CLYBL: variants seen among roughly 807,000 people sequenced by gnomAD.
CLYBL encodes citramalyl-CoA lyase, also known as citramalyl-CoA lyase, mitochondrial.
Under a neutral mutation model 38.9 loss-of-function variants are expected in CLYBL, and 31 were observed. That is an observed-to-expected ratio of 0.80 (90% CI 0.60 to 1.08). The LOEUF (loss-of-function observed/expected upper bound fraction) is 1.08. Among genes scored for constraint, CLYBL ranks in the 50% least tolerant of loss-of-function variants. CLYBL has a pLI of 0.00. For synonymous variants in CLYBL, 171 were observed against 158.6 expected (o/e 1.08, Z -0.59); for missense variants, 434 against 411.6 (o/e 1.05, Z -0.47).
Position 99,668,595 on chromosome 13 carries a change from A to AG in CLYBL, c.62+61838_62+61839insG, listed in dbSNP as rs200307348. On this transcript the variant is annotated intron_variant, in intron 1 of 8. Transcript: ENST00000339105. The stretch of plus-strand genomic sequence containing the variant: ...AGCGAAACTCCATCTCAAAAAAAAA[A>AG]AAAAGAAAAAAAGAATATTGGCTAT... 4.1e-3 allele frequency among the ~76,000 whole-genome samples: 615 copies of AG among 150,384 alleles called. 21 individuals carry two copies. Among genetic ancestry groups the AG allele is most frequent in the Non-Finnish European group, 9.3e-4 (63 of 67,474 alleles).
At chr13:99,818,446 A>AACACACACACACACACACACACAC (rs57249330) in intron 2 of CLYBL, among the ~76,000 whole-genome samples, 13 of 143,320 alleles carry the variant, frequency 9.1e-5, no homozygotes, top group Middle Eastern at 3.6e-3. Flanking sequence ...TGGAGCAGAA[A>AACACACACACACACACACACACAC]ACACACACAC....
chr13:99,608,057 A>ACTT (rs759085639), intron 1 of CLYBL, among the ~76,000 whole-genome samples: 7 of 127,282 alleles, frequency 5.5e-5, no homozygotes, highest in African/African-American at 1.8e-4. Context: ...GTGGTCTGGA[A>ACTT]CTTCTTTTTT....
rs149926873 is a variant in CLYBL, at chr13:99,629,554, C to G, written c.62+22797C>G. Among the ~76,000 whole-genome samples the G allele has an allele frequency of 3.9e-5, 6 of 152,316 alleles. No homozygotes were observed. The South Asian group carries it at 1.0e-3, about 26-fold the overall frequency. On this transcript the variant is annotated intron_variant, in intron 1 of 8. Transcript: ENST00000339105. ...ATGCTGATTCCATCTGCAGCTCCTTCTCTGTACTGTGGACTTCACTGCTTG... is the reference window on the plus strand; with the variant it reads ...ATGCTGATTCCATCTGCAGCTCCTTGTCTGTACTGTGGACTTCACTGCTTG...
At chr13:99,857,320 A>G (rs2051483307) in intron 2 of CLYBL, among the ~76,000 whole-genome samples, 1 of 152,128 alleles carries the variant, frequency 6.6e-6, no homozygotes, top group Non-Finnish European at 1.5e-5. Flanking sequence ...GTCTCAAAAA[A>G]AAGAGAAGAT....
intron 1 of CLYBL, among the ~76,000 whole-genome samples, chr13:99,699,692 C>CAAA (rs543597111): frequency 0.094 from 10,239 of 108,350 alleles, 440 homozygotes; most frequent in Admixed American, 0.18. Context: ...GACTCCGTCT[C>CAAA]AAAAAAAAAA....
intron 1 of CLYBL, among the ~76,000 whole-genome samples, chr13:99,678,034 T>C (rs1472469569): frequency 6.6e-6 from 1 of 152,234 alleles, no homozygotes; most frequent in Non-Finnish European, 1.5e-5. Context: ...AATGTGGAAC[T>C]TAATTCACTT....
chr13:99,647,872 T>C (rs1222247403), intron 1 of CLYBL, among the ~76,000 whole-genome samples: 4 of 152,178 alleles, frequency 2.6e-5, no homozygotes, highest in Non-Finnish European at 5.9e-5. Flanking sequence ...TGAGAACGAT[T>C]GCAAATAATT....
At chr13:99,638,813 C>T (rs574997066) in intron 1 of CLYBL, among the ~76,000 whole-genome samples, 10 of 152,306 alleles carry the variant, frequency 6.6e-5, no homozygotes, top group Admixed American at 5.2e-4. Context: ...GGTAGTATGA[C>T]TCTTAGGTCC....
chr13:99,774,853 A>G (rs2049478027), intron 2 of CLYBL, among the ~76,000 whole-genome samples: 1 of 152,164 alleles, frequency 6.6e-6, no homozygotes, highest in Admixed American at 6.5e-5. Context: ...AGGCTGTAAT[A>G]TGATTTCAGT....
In CLYBL at chr13:99,767,020, C is replaced by A. The variant is rs150728798; in HGVS notation, c.63-5804C>A. 3.9e-5 allele frequency among the ~76,000 whole-genome samples: 6 copies of A among 152,352 alleles called. No individual in the cohort carries two copies. The East Asian group carries it at 1.2e-3, about 29-fold the overall frequency. On this transcript the variant is annotated intron_variant, in intron 1 of 8. Transcript: ENST00000339105. ...GGATATTTCTCCCTTCAGGCACTTG[C>A]GATGCTTCCCATGGATTAAGGCAGA...
At chr13:99,774,889 T>C (rs376460357) in intron 2 of CLYBL, among the ~76,000 whole-genome samples, 1 of 152,210 alleles carries the variant, frequency 6.6e-6, no homozygotes, top group African/African-American at 2.4e-5. Context: ...ACTCATGTAG[T>C]GCACTCCAAG....
intron 3 of CLYBL, among the ~76,000 whole-genome samples, chr13:99,862,338 G>A (rs2051623819): frequency 6.6e-6 from 1 of 152,086 alleles, no homozygotes; most frequent in African/African-American, 2.4e-5. Flanking sequence ...AAGAGCTTTT[G>A]TATGTTTCCA....
At chr13:99,794,375 G>T (rs931898026) in intron 2 of CLYBL, among the ~76,000 whole-genome samples, 1 of 151,982 alleles carries the variant, frequency 6.6e-6, no homozygotes, top group Admixed American at 6.6e-5. Flanking sequence ...AGCCAAGATT[G>T]CACCACTGCA....
At chr13:99,891,137 T>G (rs2052477659) in intron 7 of CLYBL, among the ~76,000 whole-genome samples, 181 bp from the exon 8 acceptor site, 1 of 152,028 alleles carries the variant, frequency 6.6e-6, no homozygotes, top group African/African-American at 2.4e-5. Flanking sequence ...TTTTTTCCCC[T>G]CTTTAGGGGG....
intron 1 of CLYBL, among the ~76,000 whole-genome samples, chr13:99,737,570 G>A (rs1444910193): frequency 1.3e-5 from 2 of 152,178 alleles, no homozygotes; most frequent in Non-Finnish European, 2.9e-5. Context: ...CAAGATTTTT[G>A]GAGCTGGCGA....
In CLYBL at chr13:99,839,359, C is replaced by T. The variant is rs556383873; in HGVS notation, c.250-19502C>T. On this transcript the variant is annotated intron_variant, in intron 2 of 8. Coordinates refer to ENST00000339105, the MANE Select transcript of CLYBL (RefSeq NM_206808.5). ...GGACCACACTTACATATCTGAAGGT[C>T]CATCCAGTGGCTGTGTTTACACAGA... Among the ~76,000 whole-genome samples the T allele has an allele frequency of 2.1e-3, 326 of 152,300 alleles. 1 individual carries two copies. Among genetic ancestry groups the T allele is most frequent in the South Asian group, 0.02 (94 of 4,820 alleles).
At chr13:99,631,446 A>T (rs968724437) in intron 1 of CLYBL, among the ~76,000 whole-genome samples, 2 of 152,006 alleles carry the variant, frequency 1.3e-5, no homozygotes, top group African/African-American at 4.8e-5. Flanking sequence ...ATATATAATC[A>T]AATGCCCATA....
intron 1 of CLYBL, among the ~76,000 whole-genome samples, chr13:99,762,543 C>T (rs757671693): frequency 1.6e-4 from 25 of 152,222 alleles, no homozygotes; most frequent in South Asian, 1.2e-3. Flanking sequence ...TGTTTTTATG[C>T]GGGTACCATG....
At chr13:99,831,314 T>C (rs538154826) in intron 2 of CLYBL, among the ~76,000 whole-genome samples, 12 of 152,350 alleles carry the variant, frequency 7.9e-5, no homozygotes, top group African/African-American at 2.9e-4. Context: ...TATATTATCA[T>C]TGATACCATT....
Sources: gnomAD v4.1 joint callset for allele counts (sites outside exome capture counted in the v4.1 genomes callset) on GRCh38, gnomAD v4.1.1 for gene constraint, MANE v1.5 for transcripts, NCBI Gene and HGNC (gene_info 2026-07-23, HGNC 2026-07-21) for gene names.